Variants in DAPK1 observed in about 807,000 individuals in gnomAD.
The protein encoded by DAPK1 is death associated protein kinase 1, also known as death-associated protein kinase 1.
In DAPK1, 56 loss-of-function variants were observed where a neutral mutation model predicts 144.9. The ratio of observed to expected loss-of-function variants is 0.39; its 90% confidence interval spans 0.31 to 0.48. The LOEUF (loss-of-function observed/expected upper bound fraction) is 0.48. Ranked by LOEUF, DAPK1 falls within the 20% of genes least tolerant of loss-of-function variation. The probability of loss-of-function intolerance (pLI) is 0.95; values close to 1 mark genes in which losing one functional copy is unlikely to be tolerated. For synonymous variants in DAPK1, 690 were observed against 749.0 expected, an observed-to-expected ratio of 0.92 and a Z score of 1.29; for missense variants, 1,454 against 1,875.4, an observed-to-expected ratio of 0.78 and a Z score of 4.15.
intron 18 of DAPK1, among the ~76,000 whole-genome samples, chr9:87,661,191 A>G (rs1281459645): frequency 1.3e-5 from 2 of 152,154 alleles, no homozygotes; most frequent in African/African-American, 4.8e-5. Context: ...ATATACCACA[A>G]TTTTTAAGTC....
chr9:87,637,024 A>G (rs115188929), intron 3 of DAPK1, among the ~76,000 whole-genome samples: 10 of 152,240 alleles, frequency 6.6e-5, no homozygotes, highest in African/African-American at 2.2e-4. Context: ...ACCCACTTAC[A>G]GTCTGGACAG....
intron 20 of DAPK1, among the ~76,000 whole-genome samples, chr9:87,683,747 C>A: frequency 6.6e-6 from 1 of 152,202 alleles, no homozygotes; most frequent in East Asian, 1.9e-4. Context: ...GCACGCCCCA[C>A]CATGGGGGGA....
chr9:87,536,512 G>T (rs1825865148), intron 2 of DAPK1, among the ~76,000 whole-genome samples: 1 of 152,078 alleles, frequency 6.6e-6, no homozygotes, highest in African/African-American at 2.4e-5. Flanking sequence ...TGCAAGTCAT[G>T]TGGGAATTGT....
chr9:87,582,183 C>T (rs567045200), intron 2 of DAPK1, among the ~76,000 whole-genome samples: 102 of 151,792 alleles, frequency 6.7e-4, no homozygotes, highest in African/African-American at 2.4e-3. Context: ...AATGGGTCTA[C>T]GTAAAACAAT....
chr9:87,578,774 A>G (rs1157439973), intron 2 of DAPK1, among the ~76,000 whole-genome samples: 1 of 152,166 alleles, frequency 6.6e-6, no homozygotes, highest in African/African-American at 2.4e-5. Context: ...TCCTACACCC[A>G]TGTGTCTTCA....
In DAPK1 at chr9:87,509,089, C is replaced by T. The variant is rs543045639; in HGVS notation, c.62+9950C>T. Among the ~76,000 whole-genome samples, 3 of 152,230 alleles carry T rather than the reference C, an allele frequency of 2.0e-5. No individual in the cohort carries two copies. In the South Asian group the frequency reaches 6.2e-4, roughly 32 times the overall value. ...TGGGAAAGTGATGAAAGGCTGCAAC[C>T]TTTGGAGTGTAATATTTAATAGACT... On this transcript the variant is annotated intron_variant, in intron 2 of 25. Coordinates refer to ENST00000408954, the MANE Select transcript of DAPK1 (RefSeq NM_004938.4).
At chr9:87,639,563 C>T in intron 5 of DAPK1, 80 bp downstream of exon 5, 1 of 1,609,408 alleles carries the variant, frequency 6.2e-7, no homozygotes, top group South Asian at 1.1e-5. Flanking sequence ...AGATTCTTTC[C>T]CTGCTACATG....
chr9:87,512,393 T>A (rs1824881555), intron 2 of DAPK1, among the ~76,000 whole-genome samples: 1 of 152,142 alleles, frequency 6.6e-6, no homozygotes, highest in Admixed American at 6.5e-5. Flanking sequence ...AGACAGCAGA[T>A]CCTGAAGCTC....
intron 2 of DAPK1, among the ~76,000 whole-genome samples, chr9:87,528,716 A>C (rs1028072556): frequency 6.6e-6 from 1 of 151,500 alleles, no homozygotes; most frequent in African/African-American, 2.4e-5. Context: ...CTAAAAATAC[A>C]AAAAAACTAG....
At chr9:87,532,134 A>G (rs1007139541) in intron 2 of DAPK1, among the ~76,000 whole-genome samples, 9 of 152,206 alleles carry the variant, frequency 5.9e-5, no homozygotes, top group African/African-American at 2.4e-5. Flanking sequence ...ACACATTGCC[A>G]AGGCCCTATG....
intron 2 of DAPK1, among the ~76,000 whole-genome samples, chr9:87,589,816 T>C (rs1426315484): frequency 2.0e-5 from 3 of 152,176 alleles, no homozygotes; most frequent in African/African-American, 7.2e-5. Context: ...CAGGATGTCC[T>C]GAAAAATACC....
At position 87,610,484 on chromosome 9, in the gene DAPK1, T is replaced by C. The variant is rs1014027269; in HGVS notation, c.284+5309T>C. ...CTTAAAGTCGATGCTATTTCTAAAGTGTGTGGCATTGTTCCTCAGCAGCCC... is the reference window on the plus strand; with the variant it reads ...CTTAAAGTCGATGCTATTTCTAAAGCGTGTGGCATTGTTCCTCAGCAGCCC... On this transcript the variant is annotated intron_variant, in intron 3 of 25. Transcript: ENST00000408954. 2.0e-4 allele frequency among the ~76,000 whole-genome samples: 31 copies of C among 152,252 alleles called. 1 individual carries two copies. Among genetic ancestry groups the C allele is most frequent in the Admixed American group, 6.5e-5 (1 of 15,290 alleles).
At chr9:87,572,823 C>G (rs1827407698) in intron 2 of DAPK1, among the ~76,000 whole-genome samples, 1 of 152,190 alleles carries the variant, frequency 6.6e-6, no homozygotes, top group Admixed American at 6.5e-5. Flanking sequence ...ATTGCAAGAA[C>G]AGCCTAACAC....
chr9:87,568,454 A>G (rs1827211762), intron 2 of DAPK1, among the ~76,000 whole-genome samples: 1 of 152,216 alleles, frequency 6.6e-6, no homozygotes, highest in Non-Finnish European at 1.5e-5. Context: ...GCATTTGAAA[A>G]GAGTTTTGTT....
intron 2 of DAPK1, among the ~76,000 whole-genome samples, chr9:87,541,050 C>T (rs10868619): frequency 0.28 from 42,736 of 152,104 alleles, 6,542 homozygotes; most frequent in Non-Finnish European, 0.35. Context: ...ACTTCAGATT[C>T]CTCAAACAGT....
chr9:87,516,655 G>A (rs1030606637), intron 2 of DAPK1, among the ~76,000 whole-genome samples: 2 of 152,048 alleles, frequency 1.3e-5, no homozygotes, highest in Non-Finnish European at 2.9e-5. Flanking sequence ...GGATGGTTTA[G>A]CATGCTGCGT....
intron 3 of DAPK1, among the ~76,000 whole-genome samples, chr9:87,606,849 C>T (rs998837686): frequency 1.4e-5 from 2 of 146,604 alleles, no homozygotes; most frequent in Non-Finnish European, 3.0e-5. Flanking sequence ...TCCAAATCAG[C>T]AGTTCTCAAT....
At chr9:87,629,551 A>T (rs948540319) in intron 3 of DAPK1, among the ~76,000 whole-genome samples, 1 of 152,166 alleles carries the variant, frequency 6.6e-6, no homozygotes, top group African/African-American at 2.4e-5. Context: ...GTTTTTAAAA[A>T]TTTTATGTAG....
rs1828583335 is a variant in DAPK1, at chr9:87,603,021, G to A, written c.63-1933G>A. Among the ~76,000 whole-genome samples the A allele has an allele frequency of 1.3e-5, 2 of 152,000 alleles. 1 individual carries two copies. Among genetic ancestry groups the A allele is most frequent in the Admixed American group, 1.3e-4 (2 of 15,250 alleles). On this transcript the variant is annotated intron_variant, in intron 2 of 25. Coordinates refer to ENST00000408954, the MANE Select transcript of DAPK1 (RefSeq NM_004938.4). ...TGTGCCTTGAGTTGGAAGTCTCTGA[G>A]ACAAGTTGCTTTGGCCATGTGTGAG...
Sources: allele counts gnomAD v4.1 joint callset (sites outside exome capture counted in the v4.1 genomes callset), GRCh38; gene constraint gnomAD v4.1.1; transcripts MANE v1.5; gene names NCBI Gene and HGNC (gene_info 2026-07-23, HGNC 2026-07-21).